The following NFIB variants were observed in gnomAD, a reference collection of about 807,000 sequenced individuals.
NFIB encodes the protein nuclear factor I B, also known as nuclear factor 1 B-type.
NFIB carries 11 observed loss-of-function variants against 61.5 expected under a neutral mutation model. The ratio of observed to expected loss-of-function variants is 0.18; its 90% CI spans 0.11 to 0.30. The LOEUF (loss-of-function observed/expected upper bound fraction) is 0.30. Ranked by LOEUF, NFIB falls within the 10% of genes least tolerant of loss-of-function variation. NFIB has a pLI of 1.00. For synonymous variants in NFIB, 260 were observed against 216.5 expected (o/e 1.20, Z -1.76); for missense variants, 471 against 608.9 (o/e 0.77, Z 2.38).
the NFIB span, among the ~76,000 whole-genome samples, chr9:14,497,124 A>C: frequency 6.6e-6 from 1 of 152,340 alleles, no homozygotes; most frequent in South Asian, 2.1e-4. Context: ...ATTTCTATAG[A>C]AAGATAATTT....
chr9:14,476,534 C>A, the NFIB span, among the ~76,000 whole-genome samples: 2 of 152,156 alleles, frequency 1.3e-5, no homozygotes. Context: ...AATCCCCATA[C>A]ACTATTCTGT....
At chr9:14,335,238 G>T (rs1270815090) in intron 1 of NFIB, among the ~76,000 whole-genome samples, 3 of 152,154 alleles carry the variant, frequency 2.0e-5, no homozygotes, top group African/African-American at 7.2e-5. Context: ...GCAGGTGTCT[G>T]TTTAACTTTT....
chr9:14,217,357 T>C (rs1184822219), intron 2 of NFIB, among the ~76,000 whole-genome samples: 1 of 152,068 alleles, frequency 6.6e-6, no homozygotes. Context: ...TGCTAGGAAA[T>C]TCTTTTAAAA....
At chr9:14,296,620 C>T (rs1255927947) in intron 2 of NFIB, among the ~76,000 whole-genome samples, 2 of 152,294 alleles carry the variant, frequency 1.3e-5, no homozygotes, top group Non-Finnish European at 2.9e-5. Flanking sequence ...GCTGCATGTA[C>T]GGAAACAAGG....
chr9:14,429,966 A>G, the NFIB span, among the ~76,000 whole-genome samples: 1 of 152,244 alleles, frequency 6.6e-6, no homozygotes, highest in Non-Finnish European at 1.5e-5. Context: ...TTTGAATTCA[A>G]TTTATGACTT....
At chr9:14,256,089 G>A (rs1233418782) in intron 2 of NFIB, among the ~76,000 whole-genome samples, 1 of 152,164 alleles carries the variant, frequency 6.6e-6, no homozygotes, top group Non-Finnish European at 1.5e-5. Context: ...GTATAAAAAT[G>A]AGACATTTTA....
intron 3 of NFIB, among the ~76,000 whole-genome samples, chr9:14,179,047 T>C (rs1040136445): frequency 2.0e-5 from 3 of 152,140 alleles, no homozygotes; most frequent in Non-Finnish European, 4.4e-5. Context: ...GAAAAACTGC[T>C]TGTGCTAGTT....
At chr9:14,243,699 T>G (rs1389585594) in intron 2 of NFIB, among the ~76,000 whole-genome samples, 1 of 152,186 alleles carries the variant, frequency 6.6e-6, no homozygotes, top group Non-Finnish European at 1.5e-5. Context: ...GCATTTTTCT[T>G]CGTAAAAGTT....
chr9:14,124,101 AAC>A (rs2039324087), intron 7 of NFIB, among the ~76,000 whole-genome samples: 1 of 152,204 alleles, frequency 6.6e-6, no homozygotes. Context: ...CAAGATGCCT[AAC>A]ACAGACCCTA....
chr9:14,169,590 G>T (rs192354615), intron 3 of NFIB, among the ~76,000 whole-genome samples: 1 of 152,292 alleles, frequency 6.6e-6, no homozygotes, highest in African/African-American at 2.4e-5. Flanking sequence ...GGAGGCCAGG[G>T]TGGGCGGATC....
chr9:14,240,400 G>C (rs1386514834), intron 2 of NFIB, among the ~76,000 whole-genome samples: 1 of 152,094 alleles, frequency 6.6e-6, no homozygotes. Context: ...TGGCTGGGGA[G>C]CCAAAAGAAT....
intron 2 of NFIB, among the ~76,000 whole-genome samples, chr9:14,215,912 G>A (rs75232697): frequency 0.033 from 4,983 of 152,218 alleles, 260 homozygotes; most frequent in African/African-American, 0.11. Flanking sequence ...CTCCCAAGCA[G>A]CACTGTACTG....
intron 2 of NFIB, among the ~76,000 whole-genome samples, chr9:14,283,155 T>C (rs1466817061): frequency 6.6e-6 from 1 of 152,198 alleles, no homozygotes; most frequent in Non-Finnish European, 1.5e-5. Flanking sequence ...GTGCACATTT[T>C]TAAAGAGATT....
the NFIB span, among the ~76,000 whole-genome samples, chr9:14,459,201 G>A: frequency 6.6e-6 from 1 of 152,130 alleles, no homozygotes; most frequent in Non-Finnish European, 1.5e-5. Flanking sequence ...AGAGCCCTCA[G>A]AAATAATGCT....
the NFIB span, among the ~76,000 whole-genome samples, chr9:14,489,843 T>C: frequency 2.0e-4 from 30 of 152,112 alleles, no homozygotes; most frequent in African/African-American, 6.5e-4. Flanking sequence ...GAACATTCCA[T>C]CTTAGTGGAT....
chr9:14,150,360 AAGAT>A (rs2042730190), intron 4 of NFIB, 95 bp from the exon 5 acceptor site: 1 of 1,570,900 alleles, frequency 6.4e-7, no homozygotes, highest in Non-Finnish European at 8.6e-7. Flanking sequence ...CCTCTGGTCA[AAGAT>A]AGAGAGAACT....
At chr9:14,366,117 T>A (rs891208106) in intron 1 of NFIB, among the ~76,000 whole-genome samples, 2 of 152,168 alleles carry the variant, frequency 1.3e-5, no homozygotes, top group Non-Finnish European at 2.9e-5. Context: ...TGATCTACAG[T>A]TGCATTATAT....
At chr9:14,263,664 C>G (rs1008288757) in intron 2 of NFIB, among the ~76,000 whole-genome samples, 13 of 152,122 alleles carry the variant, frequency 8.5e-5, no homozygotes, top group Admixed American at 4.6e-4. Flanking sequence ...TCAAAATCAC[C>G]CAAATAATTT....
intron 2 of NFIB, among the ~76,000 whole-genome samples, chr9:14,211,528 A>C (rs1324391024): frequency 6.6e-6 from 1 of 152,224 alleles, no homozygotes; most frequent in Non-Finnish European, 1.5e-5. Context: ...CCCATTGTCT[A>C]CCTTAAAAAA....
Sources: gnomAD v4.1 joint callset for allele counts (sites outside exome capture counted in the v4.1 genomes callset) on GRCh38, gnomAD v4.1.1 for gene constraint, MANE v1.5 for transcripts, NCBI Gene and HGNC (gene_info 2026-07-23, HGNC 2026-07-21) for gene names.